The following ZC3H12B variants were observed in gnomAD, a reference collection of about 807,000 sequenced individuals.
The protein encoded by ZC3H12B is zinc finger CCCH-type containing 12B, also known as probable ribonuclease ZC3H12B.
A neutral mutation model predicts 43.9 loss-of-function variants in ZC3H12B; 7 were observed. That is an observed-to-expected ratio of 0.16 (90% CI 0.09 to 0.30). ZC3H12B has a LOEUF of 0.30. Among genes scored for constraint, ZC3H12B ranks in the 10% least tolerant of loss-of-function variants. ZC3H12B has a pLI of 1.00. For missense variants in ZC3H12B, 475 were observed against 670.2 expected, an observed-to-expected ratio of 0.71 and a Z score of 3.22; for synonymous variants, 222 against 241.7, an observed-to-expected ratio of 0.92 and a Z score of 0.76.
rs754358588 is a variant in ZC3H12B, at chrX:65,382,208, A to G, written n.295+13210A>G. 2.3e-3 allele frequency among the ~76,000 whole-genome samples: 251 copies of G among 110,680 alleles called. 2 individuals carry two copies. The highest frequency in any genetic ancestry group is 7.8e-3 in the African/African-American group (236 of 30,443). On this transcript the variant is annotated intron_variant and non_coding_transcript_variant, in intron 2 of 5. Transcript: ENST00000617377. The stretch of plus-strand genomic sequence containing the variant: ...CATTGATGCAAAAATCCTCAATAAA[A>G]TACTGGCAAACCGAATCCAGCAGCA...
the ZC3H12B span, among the ~76,000 whole-genome samples, chrX:65,102,586 C>T: frequency 8.9e-6 from 1 of 111,735 alleles, no homozygotes; most frequent in African/African-American, 3.3e-5. Context: ...TTTCTATACA[C>T]TAATAATAGA....
the ZC3H12B span, among the ~76,000 whole-genome samples, chrX:65,169,452 A>G: frequency 2.7e-5 from 3 of 111,990 alleles, no homozygotes; most frequent in Admixed American, 2.9e-4. Context: ...CTTTACTTCC[A>G]ACTATATGGT....
At chrX:65,416,136 A>G (rs1363405354) in intron 3 of ZC3H12B, among the ~76,000 whole-genome samples, 1 of 112,177 alleles carries the variant, frequency 8.9e-6, no homozygotes, top group Non-Finnish European at 1.9e-5. Context: ...TTTCTATTAT[A>G]TAAGATACGA....
At chrX:65,406,592 C>A (rs187651555) in intron 3 of ZC3H12B, among the ~76,000 whole-genome samples, 822 of 22,127 alleles carry the variant, frequency 0.037, 31 homozygotes, top group African/African-American at 0.075. Context: ...CTGGGCGGGG[C>A]TGGGCGGGGC....
At chrX:65,168,979 AAAAC>A in the ZC3H12B span, among the ~76,000 whole-genome samples, 1 of 111,304 alleles carries the variant, frequency 9.0e-6, no homozygotes. Flanking sequence ...TCTTTTCAAA[AAAAC>A]AAATCCTGGA....
At chrX:65,362,928 CA>C (rs763976213), upstream of ZC3H12B, among the ~76,000 whole-genome samples, 99 of 111,043 alleles carry the variant, frequency 8.9e-4, no homozygotes, top group African/African-American at 3.1e-3. Context: ...CATCCCTTCA[CA>C]ACCCCTCCAT....
chrX:65,304,633 A>G, the ZC3H12B span, among the ~76,000 whole-genome samples: 1 of 110,425 alleles, frequency 9.1e-6, no homozygotes, highest in Non-Finnish European at 1.9e-5. Context: ...AAAAAAACAA[A>G]AAACAAAAAC....
the ZC3H12B span, among the ~76,000 whole-genome samples, chrX:65,200,766 G>A: frequency 9.0e-6 from 1 of 110,564 alleles, no homozygotes; most frequent in Non-Finnish European, 1.9e-5. Flanking sequence ...CTGTGCAGAA[G>A]CTCTTTCATT....
At chrX:65,318,051 CTG>C in the ZC3H12B span, among the ~76,000 whole-genome samples, 1 of 109,072 alleles carries the variant, frequency 9.2e-6, no homozygotes, top group African/African-American at 3.3e-5. Flanking sequence ...AGTGGGATTG[CTG>C]TATCAAATTG....
the ZC3H12B span, among the ~76,000 whole-genome samples, chrX:65,222,596 G>C: frequency 2.2e-5 from 2 of 91,792 alleles, no homozygotes; most frequent in African/African-American, 8.0e-5. Context: ...TTTTACAATA[G>C]CTGCAAAATA....
chrX:65,261,058 T>A, the ZC3H12B span, among the ~76,000 whole-genome samples: 1 of 112,065 alleles, frequency 8.9e-6, no homozygotes, highest in Admixed American at 9.5e-5. Context: ...TTTAAGTGCT[T>A]AAAATAAAAC....
At chrX:65,150,316 C>A in the ZC3H12B span, among the ~76,000 whole-genome samples, 2 of 111,011 alleles carry the variant, frequency 1.8e-5, no homozygotes, top group Non-Finnish European at 3.8e-5. Flanking sequence ...ATCAAATGAA[C>A]CCACTCCTTC....
chrX:65,148,621 G>A, the ZC3H12B span, among the ~76,000 whole-genome samples: 39 of 111,284 alleles, frequency 3.5e-4, no homozygotes, highest in African/African-American at 1.3e-3. Flanking sequence ...GAAGTCTAGT[G>A]CTCCTTTCCC....
At chrX:65,065,471 C>A in the ZC3H12B span, among the ~76,000 whole-genome samples, 1 of 111,832 alleles carries the variant, frequency 8.9e-6, no homozygotes, top group Non-Finnish European at 1.9e-5. Context: ...ATATTGTCTC[C>A]CATTCTCTTC....
At chrX:65,113,446 C>A in the ZC3H12B span, among the ~76,000 whole-genome samples, 7 of 110,630 alleles carry the variant, frequency 6.3e-5, no homozygotes, top group East Asian at 2.0e-3. Flanking sequence ...TGCCTGTAAT[C>A]CCAGTGATTT....
chrX:65,154,482 G>T, the ZC3H12B span, among the ~76,000 whole-genome samples: 2 of 111,687 alleles, frequency 1.8e-5, no homozygotes, highest in Non-Finnish European at 3.8e-5. Flanking sequence ...CAATAATTTG[G>T]GGGATTTTCT....
chrX:65,434,571 C>T (rs1450810396), intron 3 of ZC3H12B, among the ~76,000 whole-genome samples: 1 of 112,309 alleles, frequency 8.9e-6, no homozygotes, highest in African/African-American at 3.2e-5. Context: ...ATGTTCCTTC[C>T]ATCATTATCC....
chrX:65,437,215 G>A (rs1305633575), intron 3 of ZC3H12B, among the ~76,000 whole-genome samples: 1 of 111,171 alleles, frequency 9.0e-6, no homozygotes, highest in Non-Finnish European at 1.9e-5. Flanking sequence ...GCCTCCCAAA[G>A]TGCTGGGATT....
the ZC3H12B span, among the ~76,000 whole-genome samples, chrX:65,056,982 C>G: frequency 1.8e-5 from 2 of 111,806 alleles, no homozygotes; most frequent in African/African-American, 6.5e-5. Flanking sequence ...ATGTGTGTCT[C>G]TGCATGTGAG....
Sources: allele counts gnomAD v4.1 joint callset (sites outside exome capture counted in the v4.1 genomes callset), GRCh38; gene constraint gnomAD v4.1.1; transcripts MANE v1.5; gene names NCBI Gene and HGNC (gene_info 2026-07-23, HGNC 2026-07-21).